SLC3A1: variants seen among roughly 807,000 people sequenced by gnomAD.
The protein encoded by SLC3A1 is amino acid transporter heavy chain SLC3A1.
In SLC3A1, 78 loss-of-function variants were observed where a neutral mutation model predicts 60.3. The ratio of observed to expected loss-of-function variants is 1.29; its 90% CI spans 1.08 to 1.56. The LOEUF is 1.56. Among genes scored for constraint, SLC3A1 ranks in the 40% most tolerant of loss-of-function variants. SLC3A1 has a pLI of 0.00. For synonymous variants in SLC3A1, 392 were observed against 307.9 expected, an observed-to-expected ratio of 1.27 and a Z score of -2.86; for missense variants, 1,172 against 858.9, an observed-to-expected ratio of 1.36 and a Z score of -4.56.
At chr2:44,306,815 C>T (rs1018547599) in intron 7 of SLC3A1, among the ~76,000 whole-genome samples, 1 of 151,986 alleles carries the variant, frequency 6.6e-6, no homozygotes, top group Admixed American at 6.6e-5. Flanking sequence ...TCTTGGCCTC[C>T]CAAAGTGCTG....
chr2:44,312,739 G>A lies in SLC3A1; in HGVS notation c.1486G>A (p.Glu496Lys). The A allele has an allele frequency of 6.2e-7, 1 of 1,613,000 alleles. No individual in the cohort carries two copies. Among genetic ancestry groups the A allele is most frequent in the Non-Finnish European group, 8.5e-7 (1 of 1,179,138 alleles). Residue 496 changes from glutamate to lysine, a missense_variant, in exon 8 of 10, where the codon GAA becomes AAA. Transcript: ENST00000260649. ...MGNIVAANLN[E>K]SYDINTLRSK... ...AAATATTGTAGCCGCAAATCTCAAT[G>A]AAAGCTATGATATTGTAAGTTGAAT...
intron 3 of SLC3A1, 60 bp from the exon 4 acceptor site, chr2:44,285,972 T>C (rs1280002617): frequency 6.2e-6 from 10 of 1,600,774 alleles, no homozygotes; most frequent in African/African-American, 2.7e-5. Flanking sequence ...AGGGCAATGA[T>C]CTTTATTTGT....
At chr2:44,306,433 G>A (rs1246770196) in intron 7 of SLC3A1, among the ~76,000 whole-genome samples, 2 of 152,098 alleles carry the variant, frequency 1.3e-5, no homozygotes, top group Non-Finnish European at 2.9e-5. Flanking sequence ...TCTGGTGAGG[G>A]GAAAGAGGCT....
intron 4 of SLC3A1, among the ~76,000 whole-genome samples, chr2:44,288,801 T>C (rs1226054144): frequency 1.3e-5 from 2 of 152,222 alleles, no homozygotes; most frequent in Non-Finnish European, 2.9e-5. Context: ...TAGAAATGTC[T>C]ATTTAAATCC....
intron 4 of SLC3A1, among the ~76,000 whole-genome samples, chr2:44,299,195 T>G (rs962438294): frequency 6.6e-6 from 1 of 152,058 alleles, no homozygotes; most frequent in African/African-American, 2.4e-5. Flanking sequence ...CCCGCCACCA[T>G]GCCTGGCTAC....
intron 4 of SLC3A1, among the ~76,000 whole-genome samples, chr2:44,295,197 T>G (rs1015781800): frequency 4.6e-5 from 7 of 152,242 alleles, no homozygotes; most frequent in Non-Finnish European, 1.0e-4. Flanking sequence ...ACTTGCTTCC[T>G]TAATGTTGAC....
intron 6 of SLC3A1, chr2:44,303,751 C>T: frequency 2.8e-6 from 1 of 353,752 alleles, no homozygotes; most frequent in South Asian, 2.9e-5. Flanking sequence ...CACTGACAGG[C>T]CCCGGTGTGT....
chr2:44,279,909 A>C (rs1440882776), intron 1 of SLC3A1, among the ~76,000 whole-genome samples: 1 of 152,098 alleles, frequency 6.6e-6, no homozygotes, highest in African/African-American at 2.4e-5. Flanking sequence ...CTTTTTGTAC[A>C]GGGTCTTCAA....
intron 4 of SLC3A1, among the ~76,000 whole-genome samples, chr2:44,296,086 G>A (rs1205798807): frequency 6.6e-6 from 1 of 152,200 alleles, no homozygotes; most frequent in Non-Finnish European, 1.5e-5. Flanking sequence ...GGTCACTCCT[G>A]AAGCCACTGA....
At chr2:44,280,585 T>C in intron 1 of SLC3A1, 131 bp from the exon 2 acceptor site, 1 of 702,558 alleles carries the variant, frequency 1.4e-6, no homozygotes, top group Non-Finnish European at 2.5e-6. Flanking sequence ...TGAATTATAC[T>C]CAAATTCAAC....
Position 44,304,225 on chromosome 2 carries a change from T to G in SLC3A1, c.1219T>G (p.Phe407Val). The G allele has an allele frequency of 6.2e-7, 1 of 1,614,114 alleles. No individual in the cohort carries two copies. The highest frequency in any genetic ancestry group is 1.3e-5 in the African/African-American group (1 of 75,036). Residue 407 changes from phenylalanine (F) to valine (V), a missense_variant, in exon 7 of 10, where the codon TTT becomes GTT. Transcript: ENST00000260649. ...YGLPFIQEADFPFNNYLSMLD... is the reference protein window; with the variant it reads ...YGLPFIQEADVPFNNYLSMLD... ...ATTGCCATTTATCCAAGAAGCTGAT[T>G]TTCCCTTCAACAATTACCTCAGCAT...
intron 9 of SLC3A1, among the ~76,000 whole-genome samples, chr2:44,317,066 A>C (rs896856287): frequency 6.6e-6 from 1 of 152,138 alleles, no homozygotes; most frequent in African/African-American, 2.4e-5. Context: ...GGAGCAAGCA[A>C]ATGAGAGAGC....
At chr2:44,312,021 C>G (rs1196191444) in intron 7 of SLC3A1, among the ~76,000 whole-genome samples, 1 of 152,082 alleles carries the variant, frequency 6.6e-6, no homozygotes, top group African/African-American at 2.4e-5. Flanking sequence ...TAAATAAATT[C>G]TTATTTAAAC....
chr2:44,294,981 T>C (rs747953370), intron 4 of SLC3A1, among the ~76,000 whole-genome samples: 5 of 152,140 alleles, frequency 3.3e-5, no homozygotes, highest in Non-Finnish European at 7.4e-5. Context: ...TGAGCTTAAG[T>C]GATCCTCCCA....
At position 44,276,059 on chromosome 2, in the gene SLC3A1, A is replaced by G. The variant is rs1012047182; in HGVS notation, c.430+94A>G. 55 of 1,115,392 alleles carry G rather than the reference A, an allele frequency of 4.9e-5. No individual in the cohort carries two copies. The African/African-American group carries it at 7.2e-4, about 15-fold the overall frequency. 69.1% of individuals were successfully genotyped at this position (1,115,392 alleles called of 1,614,324 possible). ...GAACCAAATTATGCCTGGGTTGTTC[A>G]GTAAGCACATTCCATTATGACTGGT... is the stretch of plus-strand genomic sequence containing the variant. On this transcript the variant is annotated intron_variant, in intron 1 of 9. Coordinates refer to ENST00000260649, the MANE Select transcript of SLC3A1 (RefSeq NM_000341.4).
In SLC3A1 at chr2:44,303,688, G is replaced by A. The variant is rs142405581; in HGVS notation, c.1137-455G>A. The stretch of plus-strand genomic sequence containing the variant: ...GTTGGTTTGCTGCACCCATCAACTT[G>A]TCATTTACATTAGGTATTTCTCCTA... On this transcript the variant is annotated intron_variant, in intron 6 of 9. Transcript: ENST00000260649. 7.2e-3 allele frequency: 1,872 copies of A among 261,172 alleles called. 39 individuals carry two copies. The highest frequency in any genetic ancestry group is 0.039 in the African/African-American group (1,761 of 45,558). The allele number at this position is 261,172 out of a possible 1,614,324, so 16.2% of individuals were successfully genotyped here.
chr2:44,304,274 G>A lies in SLC3A1; in HGVS notation c.1268G>A (p.Ser423Asn), dbSNP rs773521247. Residue 423 changes from serine to asparagine, a missense_variant, in exon 7 of 10, where the codon AGC (serine) becomes AAC (asparagine). Physicochemically the swap from Ser to Asn is conservative, Grantham distance 46. Transcript: ENST00000260649. Reference protein sequence around the residue: ...LSMLDTVSGNSVYEVITSWME... With the variant: ...LSMLDTVSGNNVYEVITSWME... ...ATGCTAGACACTGTTTCTGGGAACA[G>A]CGTGTATGAGGTTATCACATCCTGG... The A allele has an allele frequency of 1.1e-5, 17 of 1,614,042 alleles. 1 individual carries two copies. The South Asian group carries it at 1.9e-4, about 18-fold the overall frequency.
chr2:44,277,061 TAG>T (rs1222341306), intron 1 of SLC3A1, among the ~76,000 whole-genome samples: 2 of 151,110 alleles, frequency 1.3e-5, no homozygotes, highest in Non-Finnish European at 2.9e-5. Flanking sequence ...TAATCACTAG[TAG>T]AAGGCTTTTC....
intron 6 of SLC3A1, among the ~76,000 whole-genome samples, chr2:44,301,830 G>A (rs1287830035): frequency 2.0e-5 from 3 of 151,838 alleles, no homozygotes; most frequent in Non-Finnish European, 2.9e-5. Flanking sequence ...GTGTGAGGTC[G>A]AGGCTGGTGG....
Sources: gnomAD v4.1 joint callset for allele counts (sites outside exome capture counted in the v4.1 genomes callset) on GRCh38, gnomAD v4.1.1 for gene constraint, MANE v1.5 for transcripts, NCBI Gene and HGNC (gene_info 2026-07-23, HGNC 2026-07-21) for gene names.